Variants in MRC2 observed in about 807,000 individuals in gnomAD.
MRC2 encodes mannose receptor C-type 2.
In MRC2, 84 loss-of-function variants were observed where a neutral mutation model predicts 206.2. The observed-to-expected ratio is 0.41, with a 90% CI of 0.34 to 0.49. The LOEUF is 0.49. Ranked by LOEUF, MRC2 falls within the 20% of genes least tolerant of loss-of-function variation. The pLI is 0.31. For missense variants in MRC2, 1,676 were observed against 2,001.5 expected, an observed-to-expected ratio of 0.84 and a Z score of 3.10; for synonymous variants, 798 against 800.0, an observed-to-expected ratio of 1.00 and a Z score of 0.04.
chr17:62,680,702 G>T lies in MRC2; in HGVS notation c.2474-98G>T. ...CGGTGTGCCTGCAGGCTCGCCTGCT[G>T]CCGCCTGGCTCTGCCCCGGCCCTGC... is the stretch of plus-strand genomic sequence containing the variant. On this transcript the variant is annotated intron_variant, in intron 16 of 29. Coordinates refer to ENST00000303375, the MANE Select transcript of MRC2 (RefSeq NM_006039.5). The surrounding 1 kb of genome is among the most constrained non-coding windows in gnomAD (Gnocchi z 4.8). 1 of 1,372,128 alleles carries T rather than the reference G, an allele frequency of 7.3e-7. No individual in the cohort carries two copies. The highest frequency in any genetic ancestry group is 9.5e-7 in the Non-Finnish European group (1 of 1,057,206). The allele number at this position is 1,372,128 out of a possible 1,614,324, so 85.0% of individuals were successfully genotyped here.
chr17:62,645,731 G>A (rs2088476050), intron 1 of MRC2, among the ~76,000 whole-genome samples: 1 of 150,470 alleles, frequency 6.6e-6, no homozygotes, highest in South Asian at 2.1e-4. Context: ...GTAGAGATGG[G>A]TTTTTGCCAT....
intron 1 of MRC2, chr17:62,661,577 ATTCCTTCCTTCCTTCCTTCCTTCC>A (rs67370638): frequency 1.4e-5 from 2 of 139,008 alleles, no homozygotes; most frequent in East Asian, 2.1e-4. Flanking sequence ...TCCTTCCTTC[ATTCCTTCCTTCCTTCCTTCCTTCC>A]TTCCTTCCTT....
At chr17:62,677,212 G>A (rs1207113717) in intron 11 of MRC2, 57 bp from the exon 12 acceptor site, 1 of 1,420,502 alleles carries the variant, frequency 7.0e-7, no homozygotes, top group African/African-American at 1.4e-5. Flanking sequence ...GGGATGTGAG[G>A]GAGGACCAGA....
intron 1 of MRC2, among the ~76,000 whole-genome samples, chr17:62,633,640 A>G (rs967861628): frequency 6.7e-6 from 1 of 150,334 alleles, no homozygotes; most frequent in Admixed American, 6.7e-5. Flanking sequence ...GGAGTTCAAG[A>G]CCAACTTGGG....
At chr17:62,629,017 C>T (rs1010312934) in intron 1 of MRC2, among the ~76,000 whole-genome samples, 21 of 152,318 alleles carry the variant, frequency 1.4e-4, no homozygotes, top group African/African-American at 5.1e-4. Context: ...GCACAAGACA[C>T]ATATCTGCCA....
At chr17:62,634,661 T>C (rs1372976407) in intron 1 of MRC2, among the ~76,000 whole-genome samples, 1 of 152,038 alleles carries the variant, frequency 6.6e-6, no homozygotes, top group Non-Finnish European at 1.5e-5. Flanking sequence ...TACTGCGTGC[T>C]GTTTTTTCAG....
At position 62,674,057 on chromosome 17, in the gene MRC2, C is replaced by T. The variant is rs74489137; in HGVS notation, c.1462-6C>T. ...GTTGAGATTCTTCCTCACCCTGTGT[C>T]CGTAGGAAGGCCGCTGGAACGACAG... On this transcript the variant is annotated splice_region_variant and splice_polypyrimidine_tract_variant and intron_variant, in intron 8 of 29. Coordinates refer to ENST00000303375, the MANE Select transcript of MRC2 (RefSeq NM_006039.5). The T allele has an allele frequency of 5.1e-4, 782 of 1,547,902 alleles. 8 individuals carry two copies. The East Asian group carries it at 0.014, about 28-fold the overall frequency.
rs1274673009 is a variant in MRC2, at chr17:62,692,301, C to T, written c.4290C>T (p.Thr1430=). 12 of 1,594,344 alleles carry T rather than the reference C, an allele frequency of 7.5e-6. No individual in the cohort carries two copies. The highest frequency in any genetic ancestry group is 3.5e-5 in the Admixed American group (2 of 56,586). Residue 1430 remains threonine, a synonymous_variant, in exon 30 of 30, where the codon ACC becomes ACT. Transcript: ENST00000303375. This position sits in a 1 kb window ranked among gnomAD's most constrained non-coding sequence, Gnocchi z 4.2. ...MAVLLLLALL[T]AALILYRRRQ... Reference sequence around the variant, plus strand: ...TGCTGCTGCTCCTGGCCTTGCTGACCGCAGCCCTCATCCTTTACCGGAGGC... The same window carrying T: ...TGCTGCTGCTCCTGGCCTTGCTGACTGCAGCCCTCATCCTTTACCGGAGGC...
Position 62,671,843 on chromosome 17 carries a change from G to C in MRC2, c.1306+6G>C. ...CACCAAGCAGATCAAGCAAGGTGAG[G>C]AGCTGCCCGCCCACGTGTCTGGGTG... On this transcript the variant is annotated splice_donor_region_variant and intron_variant, in intron 7 of 29. Transcript: ENST00000303375. This position sits in a 1 kb window ranked among gnomAD's most constrained non-coding sequence, Gnocchi z 4.5. 6.3e-7 allele frequency: 1 copy of C among 1,590,856 alleles called. No individual in the cohort carries two copies. Among genetic ancestry groups the C allele is most frequent in the South Asian group, 1.1e-5 (1 of 87,924 alleles).
intron 1 of MRC2, among the ~76,000 whole-genome samples, chr17:62,645,523 A>ATTTTTTT (rs1275675979): frequency 2.5e-5 from 1 of 40,090 alleles, no homozygotes. Flanking sequence ...ATATATATAT[A>ATTTTTTT]TATATTTTTT....
At position 62,666,690 on chromosome 17, in the gene MRC2, AG is replaced by A. The variant is rs2088760229; in HGVS notation, c.860-64del. Reference sequence around the variant, plus strand: ...CCCTTTCCGCTTGTGGGTTGGGGAGAGGGCGATGGGGAGCGGGGGAGGCTGG... The same window carrying A: ...CCCTTTCCGCTTGTGGGTTGGGGAGAGGCGATGGGGAGCGGGGGAGGCTGG... On this transcript the variant is annotated intron_variant, in intron 4 of 29. Coordinates refer to ENST00000303375, the MANE Select transcript of MRC2 (RefSeq NM_006039.5). This position sits in a 1 kb window ranked among gnomAD's most constrained non-coding sequence, Gnocchi z 5.0. 9.1e-7 allele frequency: 1 copy of A among 1,093,026 alleles called. No individual in the cohort carries two copies. Among genetic ancestry groups the A allele is most frequent in the East Asian group, 4.3e-5 (1 of 23,236 alleles). 67.7% of individuals were successfully genotyped at this position (1,093,026 alleles called of 1,614,324 possible).
chr17:62,669,376 C>A (rs537212452), intron 6 of MRC2, among the ~76,000 whole-genome samples: 13 of 151,824 alleles, frequency 8.6e-5, no homozygotes, highest in Non-Finnish European at 1.5e-4. Context: ...CACTACTTCC[C>A]GGCTAACTTT....
rs1341688937 is a variant in MRC2, at chr17:62,678,619, T to C, written c.2168T>C (p.Val723Ala). The C allele has an allele frequency of 6.2e-7, 1 of 1,611,734 alleles. No individual in the cohort carries two copies. The highest frequency in any genetic ancestry group is 2.2e-5 in the East Asian group (1 of 44,738). Reference sequence around the variant, plus strand: ...GCCAGCTACGAGGAGGAGCACTTTGTGGCCAACATGCTCAACAAGATCTTC... The same window carrying C: ...GCCAGCTACGAGGAGGAGCACTTTGCGGCCAACATGCTCAACAAGATCTTC... ...SLASYEEEHF[V>A]ANMLNKIFGE... The change falls in exon 13 of 30, where the codon GTG (valine) becomes GCG (alanine). Residue 723 changes from valine (V) to alanine (A), a missense_variant. Transcript: ENST00000303375.
chr17:62,660,047 A>G (rs1016693010), intron 1 of MRC2, among the ~76,000 whole-genome samples: 9 of 152,224 alleles, frequency 5.9e-5, no homozygotes, highest in Non-Finnish European at 4.4e-5. Context: ...GTGGCAGAGT[A>G]GCTTGTGTCA....
At position 62,664,866 on chromosome 17, in the gene MRC2, C is replaced by T. The variant is rs1479530074; in HGVS notation, c.437C>T (p.Thr146Ile). 2 of 1,613,764 alleles carry T rather than the reference C, an allele frequency of 1.2e-6. No individual in the cohort carries two copies. Among genetic ancestry groups the T allele is most frequent in the South Asian group, 2.2e-5 (2 of 91,082 alleles). Reference protein sequence around the residue: ...ARTSNISKPGTLERGDQTRSG... With the variant: ...ARTSNISKPGILERGDQTRSG... ...ACCAGCAACATATCCAAGCCTGGCACCCTTGAGCGTGGTGACCAGACCCGC... is the reference window on the plus strand; with the variant it reads ...ACCAGCAACATATCCAAGCCTGGCATCCTTGAGCGTGGTGACCAGACCCGC... The change falls in exon 2 of 30, where the codon ACC becomes ATC. Residue 146 changes from threonine (T) to isoleucine (I), a missense_variant. Coordinates refer to ENST00000303375, the MANE Select transcript of MRC2 (RefSeq NM_006039.5). The surrounding 1 kb of genome is among the most constrained non-coding windows in gnomAD (Gnocchi z 4.7).
chr17:62,652,399 T>A lies in MRC2; in HGVS notation c.119-12149T>A, dbSNP rs572310574. ...GATGGGGTCCCCGCGAGGGCACAAG[T>A]GATCGCGTGGCCACGGCGAGGCTCT... On this transcript the variant is annotated intron_variant, in intron 1 of 29. Transcript: ENST00000303375. The surrounding 1 kb of genome is among the most constrained non-coding windows in gnomAD (Gnocchi z 4.6). Among the ~76,000 whole-genome samples, 91 of 152,372 alleles carry A rather than the reference T, an allele frequency of 6.0e-4. No individual in the cohort carries two copies. The highest frequency in any genetic ancestry group is 2.2e-3 in the African/African-American group (90 of 41,600).
intron 20 of MRC2, among the ~76,000 whole-genome samples, chr17:62,684,206 A>G (rs900798563): frequency 4.6e-5 from 7 of 152,250 alleles, no homozygotes; most frequent in African/African-American, 1.7e-4. Context: ...TAGATTAAAT[A>G]TGCCTCACAA....
intron 1 of MRC2, among the ~76,000 whole-genome samples, chr17:62,655,102 G>T (rs559338262): frequency 1.3e-5 from 2 of 152,328 alleles, no homozygotes; most frequent in Admixed American, 6.5e-5. Flanking sequence ...TGGCTAATGC[G>T]GTGAAACCCT....
At chr17:62,627,991 ACTTTTCCCTC>A in intron 1 of MRC2, 71 bp downstream of exon 1, 2 of 1,054,626 alleles carry the variant, frequency 1.9e-6, no homozygotes, top group Non-Finnish European at 2.5e-6. Flanking sequence ...GCCGCTCTCG[ACTTTTCCCTC>A]CTTTTCCCCC....
Sources: gnomAD v4.1 joint callset for allele counts (sites outside exome capture counted in the v4.1 genomes callset) on GRCh38, gnomAD v4.1.1 for gene constraint, Gnocchi (gnomAD v3.1) non-coding constraint, MANE v1.5 for transcripts, NCBI Gene and HGNC (gene_info 2026-07-23, HGNC 2026-07-21) for gene names.